AP2B1: variants seen among roughly 807,000 people sequenced by gnomAD.
AP2B1 encodes the protein AP-2 complex subunit beta.
AP2B1 carries 23 observed loss-of-function variants against 102.0 expected under a neutral mutation model. That is an observed-to-expected ratio of 0.23 (90% CI 0.16 to 0.32). AP2B1 has a LOEUF of 0.32. Among genes scored for constraint, AP2B1 ranks in the 10% least tolerant of loss-of-function variants. The pLI is 1.00. For missense variants in AP2B1, 541 were observed against 1,157.4 expected, an observed-to-expected ratio of 0.47 and a Z score of 7.73; for synonymous variants, 381 against 421.2, an observed-to-expected ratio of 0.90 and a Z score of 1.17.
At chr17:35,678,884 C>T (rs1002096553) in intron 17 of AP2B1, among the ~76,000 whole-genome samples, 2 of 152,152 alleles carry the variant, frequency 1.3e-5, no homozygotes, top group African/African-American at 4.8e-5. Context: ...CTTGCCCTCA[C>T]CTCACATTAT....
chr17:35,689,219 G>A (rs1040436091), intron 18 of AP2B1, among the ~76,000 whole-genome samples: 1 of 152,034 alleles, frequency 6.6e-6, no homozygotes, highest in African/African-American at 2.4e-5. Flanking sequence ...TCGCTGTGCC[G>A]CCCAGGCTGG....
At chr17:35,615,945 T>C (rs1278674962) in intron 5 of AP2B1, among the ~76,000 whole-genome samples, 1 of 152,160 alleles carries the variant, frequency 6.6e-6, no homozygotes, top group Non-Finnish European at 1.5e-5. Context: ...TGCTTTGATA[T>C]GAGGCCAACT....
intron 20 of AP2B1, among the ~76,000 whole-genome samples, chr17:35,712,421 G>T (rs1555587995): frequency 6.6e-6 from 1 of 152,198 alleles, no homozygotes. Flanking sequence ...GAGGTCAGGA[G>T]ATCGAGACCA....
At chr17:35,594,149 C>G in intron 2 of AP2B1, 82 bp downstream of exon 2, 1 of 853,704 alleles carries the variant, frequency 1.2e-6, no homozygotes, top group Non-Finnish European at 1.8e-6. Flanking sequence ...TGCTGCTGAC[C>G]TCTTCCTTCA....
chr17:35,707,999 A>G (rs149850705), intron 18 of AP2B1, among the ~76,000 whole-genome samples: 14 of 152,332 alleles, frequency 9.2e-5, no homozygotes, highest in African/African-American at 3.4e-4. Flanking sequence ...GCACCATTTA[A>G]AGTAAGGAAG....
chr17:35,680,173 G>A (rs2075787234), intron 17 of AP2B1, among the ~76,000 whole-genome samples: 1 of 152,106 alleles, frequency 6.6e-6, no homozygotes, highest in Non-Finnish European at 1.5e-5. Flanking sequence ...CTCCCAAAGT[G>A]CTGGGATTAC....
At chr17:35,711,943 GC>G (rs2076460597) in intron 20 of AP2B1, among the ~76,000 whole-genome samples, 1 of 152,178 alleles carries the variant, frequency 6.6e-6, no homozygotes, top group Non-Finnish European at 1.5e-5. Context: ...GGAGACTGAA[GC>G]CCTCCTGGAA....
chr17:35,693,289 T>C (rs1160946376), intron 18 of AP2B1, among the ~76,000 whole-genome samples: 1 of 152,190 alleles, frequency 6.6e-6, no homozygotes, highest in Admixed American at 6.5e-5. Flanking sequence ...CCCAGAGTGC[T>C]GGAATTACAG....
At position 35,592,703 on chromosome 17, in the gene AP2B1, C is replaced by T. The variant is rs1445123427; in HGVS notation, c.-23-1305C>T. Among the ~76,000 whole-genome samples the T allele has an allele frequency of 3.3e-5, 5 of 152,200 alleles. No homozygotes were observed. The East Asian group carries it at 9.6e-4, about 29-fold the overall frequency. ...GATTAAAGGCACGTGCCACCATGCC[C>T]AGCTAAATTTTGTATTTTTAGCAGA... On this transcript the variant is annotated intron_variant, in intron 1 of 21. Coordinates refer to ENST00000610402, the MANE Select transcript of AP2B1 (RefSeq NM_001030006.2).
In AP2B1 at chr17:35,680,695, T is replaced by G. The variant is rs1180043967; in HGVS notation, c.2325-2000T>G. Among the ~76,000 whole-genome samples, 10 of 99,150 alleles carry G rather than the reference T, an allele frequency of 1.0e-4. No individual in the cohort carries two copies. In the South Asian group the frequency reaches 1.5e-3, roughly 15 times the overall value. The allele number at this position is 99,150 out of a possible 152,430, so 65.0% of individuals were successfully genotyped here. On this transcript the variant is annotated intron_variant, in intron 17 of 21. Transcript: ENST00000610402. ...CCAGTCTATGGTTTTGGTTTTTTTT[T>G]TTTTGTTTTTTTTTTTTTTTTCAGA...
chr17:35,607,493 G>T (rs1286277503), intron 4 of AP2B1, among the ~76,000 whole-genome samples: 1 of 152,160 alleles, frequency 6.6e-6, no homozygotes, highest in Non-Finnish European at 1.5e-5. Context: ...ATTTACATGG[G>T]CTTAAAGACA....
At chr17:35,641,190 C>T (rs1025606697) in intron 11 of AP2B1, among the ~76,000 whole-genome samples, 5 of 152,128 alleles carry the variant, frequency 3.3e-5, no homozygotes, top group African/African-American at 9.7e-5. Flanking sequence ...TTCCATAATT[C>T]CCCCCAAATT....
At chr17:35,655,709 A>G (rs1235695887) in intron 13 of AP2B1, among the ~76,000 whole-genome samples, 3 of 152,170 alleles carry the variant, frequency 2.0e-5, no homozygotes, top group Non-Finnish European at 4.4e-5. Flanking sequence ...GCTGTAGGAG[A>G]CACTGCCAAT....
intron 5 of AP2B1, among the ~76,000 whole-genome samples, chr17:35,619,104 G>A (rs1378784934): frequency 6.6e-6 from 1 of 152,174 alleles, no homozygotes; most frequent in Non-Finnish European, 1.5e-5. Context: ...ATCAGATGCA[G>A]ACCTTGAGTT....
intron 12 of AP2B1, among the ~76,000 whole-genome samples, chr17:35,646,801 C>T (rs1176097335): frequency 6.6e-6 from 1 of 151,984 alleles, no homozygotes; most frequent in Non-Finnish European, 1.5e-5. Flanking sequence ...CTTGGCCAGG[C>T]TGGTCTCAAA....
chr17:35,609,616 G>A (rs1460174885), intron 5 of AP2B1, among the ~76,000 whole-genome samples: 1 of 152,104 alleles, frequency 6.6e-6, no homozygotes, highest in African/African-American at 2.4e-5. Context: ...CAAAGTGTTG[G>A]GATTACATGT....
At chr17:35,626,471 C>G in intron 6 of AP2B1, 150 bp from the exon 7 acceptor site, 1 of 682,008 alleles carries the variant, frequency 1.5e-6, no homozygotes, top group Non-Finnish European at 2.5e-6. Context: ...TGTTGGATCC[C>G]AATTTTACCT....
rs771145530 is a variant in AP2B1 at position 35,674,324 on chromosome 17, A to G, written c.2324+3A>G. ...GCAATCCAGTTTAACAAAAATAGGT[A>G]AGCAATCTGGGTCCCTAGCTTGATG... On this transcript the variant is annotated splice_donor_region_variant and intron_variant, in intron 17 of 21. Coordinates refer to ENST00000610402, the MANE Select transcript of AP2B1 (RefSeq NM_001030006.2). 3.1e-6 allele frequency: 5 copies of G among 1,613,998 alleles called. No individual in the cohort carries two copies. The highest frequency in any genetic ancestry group is 4.2e-6 in the Non-Finnish European group (5 of 1,179,940).
At chr17:35,720,553 A>T (rs1432422219) in intron 21 of AP2B1, among the ~76,000 whole-genome samples, 1 of 45,308 alleles carries the variant, frequency 2.2e-5, no homozygotes, top group Non-Finnish European at 4.5e-5. Context: ...ATTTATATAT[A>T]TATATATATA....
Sources: gnomAD v4.1 joint callset for allele counts (sites outside exome capture counted in the v4.1 genomes callset) on GRCh38, gnomAD v4.1.1 for gene constraint, MANE v1.5 for transcripts, NCBI Gene and HGNC (gene_info 2026-07-23, HGNC 2026-07-21) for gene names.